IL6ST: variants seen among roughly 807,000 people sequenced by gnomAD.
IL6ST encodes interleukin 6 cytokine family signal transducer, also known as interleukin-6 receptor subunit beta.
A neutral mutation model predicts 91.3 loss-of-function variants in IL6ST; 24 were observed. The ratio of observed to expected loss-of-function variants is 0.26; its 90% CI spans 0.19 to 0.37. The LOEUF (loss-of-function observed/expected upper bound fraction) is 0.37. Ranked by LOEUF, IL6ST falls within the 10% of genes least tolerant of loss-of-function variation. The pLI, the probability that IL6ST is intolerant of heterozygous loss-of-function variation, is 1.00. For synonymous variants in IL6ST, 351 were observed against 373.6 expected, an observed-to-expected ratio of 0.94 and a Z score of 0.70; for missense variants, 914 against 1,078.5, an observed-to-expected ratio of 0.85 and a Z score of 2.14.
chr5:55,963,898 T>C (rs1561180334), intron 6 of IL6ST, among the ~76,000 whole-genome samples: 2 of 152,312 alleles, frequency 1.3e-5, no homozygotes, highest in East Asian at 3.9e-4. Flanking sequence ...TTTTTCTTTT[T>C]CCAAATTCTA....
chr5:55,960,345 A>G (rs1752235468), intron 8 of IL6ST, 57 bp downstream of exon 8: 2 of 1,381,982 alleles, frequency 1.4e-6, no homozygotes, highest in African/African-American at 2.9e-5. Flanking sequence ...TAAAACCAGA[A>G]CCAGTTCACA....
At chr5:55,969,177 ACT>A (rs33953318) in intron 4 of IL6ST, among the ~76,000 whole-genome samples, 7,655 of 146,054 alleles carry the variant, frequency 0.052, 702 homozygotes, top group African/African-American at 0.18. Context: ...ACAGAGCGAG[ACT>A]CTGTCACCAA....
In IL6ST at chr5:55,954,920, C is replaced by G. The variant is rs1437648026; in HGVS notation, c.1340G>C (p.Arg447Thr). 1.2e-6 allele frequency: 2 copies of G among 1,613,096 alleles called. No individual in the cohort carries two copies. The change falls in exon 11 of 17, where the codon AGG (arginine) becomes ACG (threonine). Residue 447 changes from arginine to threonine, a missense_variant. By Grantham distance (71) the Arg-to-Thr change is moderately conservative. Transcript: ENST00000381298. The part of the protein sequence containing the change: ...NMLWVEWTTP[R>T]ESVKKYILEW... Reference sequence around the variant, plus strand: ...AAGTATATATTTCTTTACAGATTCCCTTGGAGTAGTCCATTCCACCCAAAG... The same window carrying G: ...AAGTATATATTTCTTTACAGATTCCGTTGGAGTAGTCCATTCCACCCAAAG...
intron 2 of IL6ST, 46 bp downstream of exon 2, chr5:55,982,678 T>C (rs1194354258): frequency 1.5e-5 from 6 of 397,736 alleles, no homozygotes; most frequent in African/African-American, 4.1e-5. Context: ...TATTGGAACT[T>C]TGTAAAATAA....
chr5:55,954,800 C>G lies in IL6ST; in HGVS notation c.1450+10G>C. 3.2e-6 allele frequency: 5 copies of G among 1,575,874 alleles called. No homozygotes were observed. The highest frequency in any genetic ancestry group is 4.3e-6 in the Non-Finnish European group (5 of 1,162,176). On this transcript the variant is annotated intron_variant, in intron 11 of 16. Transcript: ENST00000381298. ...AGGATATCAATTTAGATGTTTCTAGCCAGGTATACCTCTTAAATAGGTGCG... is the reference window on the plus strand; with the variant it reads ...AGGATATCAATTTAGATGTTTCTAGGCAGGTATACCTCTTAAATAGGTGCG...
Position 55,968,294 on chromosome 5 carries a change from A to C in IL6ST, c.473T>G (p.Phe158Cys). Residue 158 changes from phenylalanine to cysteine, a missense_variant, in exon 5 of 17, where the codon TTC becomes TGC. Coordinates refer to ENST00000381298, the MANE Select transcript of IL6ST (RefSeq NM_002184.4). ...AACGTACCATTCAGATTTTAAAGTG[A>C]AGTTTGTCTCCAAGTGTGTTTCCCT... ...GGRETHLETNFTLKSEWATHK... is the reference protein window; with the variant it reads ...GGRETHLETNCTLKSEWATHK... 6.9e-6 allele frequency: 11 copies of C among 1,590,960 alleles called. No homozygotes were observed. Among genetic ancestry groups the C allele is most frequent in the Non-Finnish European group, 9.4e-6 (11 of 1,172,132 alleles).
In IL6ST at chr5:55,936,364, T is replaced by TAA. The variant is rs1554021947; in HGVS notation, c.*4716_*4717dup. ...AGGTTTTTTTTTTTTTTTTTTTTTT[T>TAA]AATGTCCACTAGGAGGGAGGATGCT... On this transcript the variant is annotated 3_prime_UTR_variant, in exon 17 of 17. Coordinates refer to ENST00000381298, the MANE Select transcript of IL6ST (RefSeq NM_002184.4). 1.6e-5 allele frequency: 3 copies of TAA among 185,004 alleles called. No homozygotes were observed. The highest frequency in any genetic ancestry group is 7.7e-5 in the African/African-American group (3 of 38,820). The allele number at this position is 185,004 out of a possible 1,614,324, so 11.5% of individuals were successfully genotyped here.
At chr5:55,965,165 T>C (rs536341408) in intron 5 of IL6ST, among the ~76,000 whole-genome samples, 2 of 152,290 alleles carry the variant, frequency 1.3e-5, no homozygotes, top group South Asian at 4.1e-4. Context: ...TAAAACACAG[T>C]AATCTGACTA....
At chr5:55,947,284 GAGA>G (rs1751325005) in intron 15 of IL6ST, among the ~76,000 whole-genome samples, 1 of 152,112 alleles carries the variant, frequency 6.6e-6, no homozygotes, top group Non-Finnish European at 1.5e-5. Context: ...GGGTTGGGCT[GAGA>G]AGAAGACAGA....
chr5:55,944,424 G>A (rs1751113270), intron 15 of IL6ST, among the ~76,000 whole-genome samples: 2 of 152,108 alleles, frequency 1.3e-5, no homozygotes, highest in Admixed American at 1.3e-4. Context: ...CTAAGAATTA[G>A]AAAATATTTT....
intron 9 of IL6ST, 53 bp downstream of exon 9, chr5:55,957,156 C>CAAAAA: frequency 1.3e-6 from 1 of 760,842 alleles, no homozygotes; most frequent in Non-Finnish European, 2.0e-6. Context: ...GACTCGGTTT[C>CAAAAA]AAAAAAAAAA....
intron 10 of IL6ST, 73 bp from the exon 11 acceptor site, chr5:55,955,065 TC>T: frequency 9.6e-7 from 1 of 1,045,750 alleles, no homozygotes; most frequent in African/African-American, 1.6e-5. Context: ...TACAGTCATT[TC>T]CAAAACATGT....
chr5:55,993,320 T>G (rs941094549), intron 1 of IL6ST, among the ~76,000 whole-genome samples: 5 of 152,230 alleles, frequency 3.3e-5, no homozygotes, highest in Admixed American at 1.3e-4. Flanking sequence ...AGATCTAGTT[T>G]TCAGCGAGAC....
intron 1 of IL6ST, among the ~76,000 whole-genome samples, chr5:55,989,132 C>T (rs1342266173): frequency 1.7e-5 from 2 of 115,724 alleles, no homozygotes; most frequent in Admixed American, 1.7e-4. Flanking sequence ...GAGGCTCTGT[C>T]TCAAAAAAAA....
chr5:55,958,881 A>G lies in IL6ST; in HGVS notation c.973+1521T>C, dbSNP rs750675427. On this transcript the variant is annotated intron_variant, in intron 8 of 16. Coordinates refer to ENST00000381298, the MANE Select transcript of IL6ST (RefSeq NM_002184.4). ...AAATTTAAGTACTGATATGTTAATCATGAAGAGGCAATTACAGACAGCAAA... is the reference window on the plus strand; with the variant it reads ...AAATTTAAGTACTGATATGTTAATCGTGAAGAGGCAATTACAGACAGCAAA... Among the ~76,000 whole-genome samples the G allele has an allele frequency of 5.2e-4, 79 of 152,076 alleles. 1 individual carries two copies. The highest frequency in any genetic ancestry group is 6.8e-3 in the Middle Eastern group (2 of 294).
intron 3 of IL6ST, 185 bp downstream of exon 3, chr5:55,976,030 A>T: frequency 3.0e-6 from 1 of 336,458 alleles, no homozygotes; most frequent in African/African-American, 2.2e-5. Flanking sequence ...GTTACAACTC[A>T]AATTATACAA....
At chr5:55,977,186 T>C (rs895586438) in intron 2 of IL6ST, among the ~76,000 whole-genome samples, 2 of 151,504 alleles carry the variant, frequency 1.3e-5, no homozygotes, top group Non-Finnish European at 2.9e-5. Context: ...TATGAATGAA[T>C]CTCAAAAGCA....
At chr5:55,967,602 T>C (rs1176055795) in intron 5 of IL6ST, among the ~76,000 whole-genome samples, 1 of 151,976 alleles carries the variant, frequency 6.6e-6, no homozygotes, top group Admixed American at 6.6e-5. Context: ...TGTTATGCTT[T>C]TTTTTAAAAT....
chr5:55,955,563 T>C (rs561529722), intron 10 of IL6ST, among the ~76,000 whole-genome samples: 1 of 152,390 alleles, frequency 6.6e-6, no homozygotes, highest in Admixed American at 6.5e-5. Context: ...CAGTCATATG[T>C]ATACAAAGTT....
Sources: allele counts gnomAD v4.1 joint callset (sites outside exome capture counted in the v4.1 genomes callset), GRCh38; gene constraint gnomAD v4.1.1; transcripts MANE v1.5; gene names NCBI Gene and HGNC (gene_info 2026-07-23, HGNC 2026-07-21).